Variants in PRR5 observed in about 807,000 individuals in gnomAD.
The protein encoded by PRR5 is proline-rich protein 5.
PRR5 carries 25 observed loss-of-function variants against 30.6 expected under a neutral mutation model. The observed-to-expected ratio is 0.82, with a 90% CI of 0.60 to 1.14. The LOEUF (loss-of-function observed/expected upper bound fraction) is 1.14, where lower values mean the gene tolerates loss of function less well. Among genes scored for constraint, PRR5 ranks in the 50% most tolerant of loss-of-function variants. PRR5 has a pLI of 0.00. For synonymous variants in PRR5, 286 were observed against 247.1 expected (o/e 1.16, Z -1.48); for missense variants, 600 against 547.1 (o/e 1.10, Z -0.96).
intron 1 of PRR5, among the ~76,000 whole-genome samples, chr22:44,697,030 C>T (rs1030313785): frequency 6.6e-6 from 1 of 152,190 alleles, no homozygotes; most frequent in Non-Finnish European, 1.5e-5. Flanking sequence ...AGCCACCACA[C>T]CCGGCCAGGA....
At position 44,693,795 on chromosome 22, in the gene PRR5, A is replaced by ATTTTTTTTTTTT. The variant is rs61604082; in HGVS notation, c.-10-8688_-10-8677dup. Among the ~76,000 whole-genome samples, 61 of 79,612 alleles carry ATTTTTTTTTTTT rather than the reference A, an allele frequency of 7.7e-4. 2 individuals are homozygous for ATTTTTTTTTTTT. The highest frequency in any genetic ancestry group is 2.1e-3 in the African/African-American group (39 of 18,492). The allele number at this position is 79,612 out of a possible 152,430, so 52.2% of individuals were successfully genotyped here. A position where few individuals can be genotyped will look rare whatever the true frequency, so the allele number is the denominator to read the frequency against. Reference sequence around the variant, plus strand: ...CAGGCGCCTGCCACCACACTCGGCTATTTTTTTTTTTTTTTTTTTTGTATT... The same window carrying ATTTTTTTTTTTT: ...CAGGCGCCTGCCACCACACTCGGCTATTTTTTTTTTTTTTTTTTTTTTTTTTTTTTTTGTATT... On this transcript the variant is annotated intron_variant, in intron 1 of 8. Transcript: ENST00000006251.
In PRR5 at chr22:44,693,269, G is replaced by C. The variant is rs576665312; in HGVS notation, c.-10-9223G>C. Among the ~76,000 whole-genome samples the C allele has an allele frequency of 2.8e-4, 43 of 152,108 alleles. 2 individuals carry two copies. The South Asian group carries it at 8.7e-3, about 31-fold the overall frequency. On this transcript the variant is annotated intron_variant, in intron 1 of 8. Transcript: ENST00000006251. ...GCTTGATCCCAGGAGTTCGAGACCA[G>C]CCTTGGCAACATAGAAAGACCCTGT...
chr22:44,689,547 T>A (rs1925056312), intron 1 of PRR5, among the ~76,000 whole-genome samples: 1 of 152,240 alleles, frequency 6.6e-6, no homozygotes, highest in South Asian at 2.1e-4. Flanking sequence ...GAGCTCCGTG[T>A]AGGCTGGGAC....
At chr22:44,707,324 C>G (rs1477504823) in intron 1 of PRR5, among the ~76,000 whole-genome samples, 1 of 152,222 alleles carries the variant, frequency 6.6e-6, no homozygotes, top group East Asian at 1.9e-4. Context: ...GCCCTGCAGG[C>G]AGAGCTGAAG....
At chr22:44,707,197 C>T (rs527813184) in intron 1 of PRR5, among the ~76,000 whole-genome samples, 1 of 152,230 alleles carries the variant, frequency 6.6e-6, no homozygotes, top group Non-Finnish European at 1.5e-5. Context: ...CCCTGTGCCC[C>T]TATGGGGCTT....
chr22:44,727,685 C>G (rs534679682), intron 4 of PRR5, among the ~76,000 whole-genome samples: 3 of 152,344 alleles, frequency 2.0e-5, no homozygotes, highest in East Asian at 3.9e-4. Context: ...TCCTCCAGGT[C>G]TCCCTCTGAC....
intron 1 of PRR5, among the ~76,000 whole-genome samples, chr22:44,708,839 C>T (rs549262372): frequency 5.3e-5 from 8 of 151,842 alleles, no homozygotes; most frequent in Non-Finnish European, 8.8e-5. Context: ...TGGTGGTGGG[C>T]GCCTGTAGTC....
intron 6 of PRR5, chr22:44,734,826 G>A: frequency 1.5e-6 from 1 of 685,186 alleles, no homozygotes; most frequent in East Asian, 2.7e-5. Flanking sequence ...GCTGCTGTGA[G>A]CAGCAGAGTG....
intron 4 of PRR5, among the ~76,000 whole-genome samples, chr22:44,728,667 C>A (rs572282587): frequency 2.0e-5 from 3 of 152,238 alleles, no homozygotes; most frequent in African/African-American, 7.2e-5. Context: ...CCTCCACATC[C>A]TGATGGGCGG....
chr22:44,707,236 GC>G (rs1410877447), intron 1 of PRR5, among the ~76,000 whole-genome samples: 1 of 152,222 alleles, frequency 6.6e-6, no homozygotes, highest in Non-Finnish European at 1.5e-5. Context: ...CTCTTGGGCT[GC>G]GGGGCCAAGG....
chr22:44,726,492 T>C, intron 3 of PRR5, 85 bp from the exon 4 acceptor site: 1 of 1,599,310 alleles, frequency 6.3e-7, no homozygotes, highest in Non-Finnish European at 8.5e-7. Context: ...TGCTCACTGG[T>C]GGATGGACTC....
At chr22:44,696,947 G>C (rs947699999) in intron 1 of PRR5, among the ~76,000 whole-genome samples, 2 of 152,070 alleles carry the variant, frequency 1.3e-5, no homozygotes, top group Non-Finnish European at 2.9e-5. Flanking sequence ...ATGTTAGCCA[G>C]GGTAGTCTCC....
chr22:44,704,536 C>T (rs546338210), intron 1 of PRR5, among the ~76,000 whole-genome samples: 14 of 152,174 alleles, frequency 9.2e-5, no homozygotes, highest in South Asian at 2.1e-4. Context: ...AGCCCCTCCC[C>T]GCGGCACCTG....
intron 6 of PRR5, among the ~76,000 whole-genome samples, chr22:44,733,109 G>A (rs140325791): frequency 0.018 from 2,774 of 152,372 alleles, 45 homozygotes; most frequent in Non-Finnish European, 0.028. Context: ...TTGTCAGTGG[G>A]TCAGCTCTGG....
chr22:44,721,073 G>T (rs1464148297), intron 2 of PRR5, among the ~76,000 whole-genome samples: 3 of 152,216 alleles, frequency 2.0e-5, no homozygotes, highest in Non-Finnish European at 4.4e-5. Flanking sequence ...CTGAGCTACA[G>T]CTGCTCCTGA....
chr22:44,683,669 G>A (rs183204511), intron 1 of PRR5, among the ~76,000 whole-genome samples: 2 of 152,296 alleles, frequency 1.3e-5, no homozygotes, highest in East Asian at 3.9e-4. Flanking sequence ...AGACCCTTGG[G>A]GACCTCTGAA....
At chr22:44,673,322 G>A (rs1019370677), upstream of PRR5, among the ~76,000 whole-genome samples, 8 of 152,222 alleles carry the variant, frequency 5.3e-5, no homozygotes, top group African/African-American at 1.9e-4. Context: ...TTTGATTTCT[G>A]CCCTGCATAG....
chr22:44,699,624 C>G (rs1429718883), upstream of PRR5, among the ~76,000 whole-genome samples: 1 of 152,216 alleles, frequency 6.6e-6, no homozygotes, highest in Non-Finnish European at 1.5e-5. Context: ...GGCACGGGGA[C>G]TGTAGCAGTG....
intron 1 of PRR5, among the ~76,000 whole-genome samples, chr22:44,692,509 A>G (rs1200702508): frequency 1.1e-5 from 1 of 91,686 alleles, no homozygotes; most frequent in African/African-American, 4.3e-5. Context: ...TCCACCTGGC[A>G]CTCCTCCTCC....
Sources: gnomAD v4.1 joint callset for allele counts (sites outside exome capture counted in the v4.1 genomes callset) on GRCh38, gnomAD v4.1.1 for gene constraint, MANE v1.5 for transcripts, NCBI Gene and HGNC (gene_info 2026-07-23, HGNC 2026-07-21) for gene names.